RP1: variants seen among roughly 807,000 people sequenced by gnomAD.
RP1 encodes the protein RP1 axonemal microtubule associated, also known as oxygen-regulated protein 1.
In RP1, 16 loss-of-function variants were observed where a neutral mutation model predicts 14.8. The observed-to-expected ratio is 1.08, with a 90% CI of 0.73 to 1.65. RP1 has a LOEUF of 1.65. RP1 is among the 40% of genes most tolerant of loss of function. The probability of loss-of-function intolerance (pLI) is 0.00; values close to 1 mark genes in which losing one functional copy is unlikely to be tolerated. For missense variants in RP1, 2,631 were observed against 2,535.0 expected, an observed-to-expected ratio of 1.04 and a Z score of -0.81; for synonymous variants, 876 against 883.6, an observed-to-expected ratio of 0.99 and a Z score of 0.15.
In RP1 at chr8:54,630,625, A is replaced by G. The variant is rs76193096; in HGVS notation, c.*272A>G. The G allele has an allele frequency of 2.8e-4, 326 of 1,180,482 alleles. 1 individual carries two copies. The African/African-American group carries it at 5.4e-3, about 19-fold the overall frequency. 73.1% of individuals were successfully genotyped at this position (1,180,482 alleles called of 1,614,324 possible). On this transcript the variant is annotated 3_prime_UTR_variant, in exon 4 of 4. Coordinates refer to ENST00000220676, the MANE Select transcript of RP1 (RefSeq NM_006269.2). The stretch of plus-strand genomic sequence containing the variant: ...ATTTTTTTTTTTTTTGGTATCTATG[A>G]TTTTTTTTGCTCAGGGCATCAAAAT...
chr8:54,870,850 C>A (rs1298355108), exon 29 of RP1: 1 of 152,072 alleles, frequency 6.6e-6, no homozygotes, highest in Non-Finnish European at 1.5e-5. Flanking sequence ...GCCAAGTGAC[C>A]TGCCCAAGCT....
chr8:54,561,322 T>G lies in RP1; in HGVS notation c.-13+2002T>G, dbSNP rs539705058. 4.6e-5 allele frequency among the ~76,000 whole-genome samples: 7 copies of G among 152,360 alleles called. No individual in the cohort carries two copies. The South Asian group carries it at 1.4e-3, about 32-fold the overall frequency. ...TTCTTTTTGGCCAGAGTTTACACGT[T>G]TTAAATTTTAAACTCAGATTCCGAG... is the stretch of plus-strand genomic sequence containing the variant. On this transcript the variant is annotated intron_variant, in intron 1 of 22. Transcript: ENST00000636932.
chr8:54,797,274 G>A (rs1427451055), intron 24 of RP1, among the ~76,000 whole-genome samples: 31 of 152,012 alleles, frequency 2.0e-4, no homozygotes, highest in Admixed American at 2.0e-3. Context: ...AGAGGAGGAC[G>A]GCACCTCTTC....
At chr8:54,599,876 T>C (rs1805234715) in intron 1 of RP1, among the ~76,000 whole-genome samples, 1 of 152,132 alleles carries the variant, frequency 6.6e-6, no homozygotes, top group Non-Finnish European at 1.5e-5. Context: ...ATTTAAATCT[T>C]GTGTTTTAGA....
upstream of RP1, among the ~76,000 whole-genome samples, chr8:54,614,789 C>T (rs1162820491): frequency 6.6e-6 from 1 of 152,160 alleles, no homozygotes; most frequent in Non-Finnish European, 1.5e-5. Flanking sequence ...GCTGATGCTT[C>T]TGGCCCTGGC....
chr8:54,844,910 A>G (rs1419832710), intron 25 of RP1, among the ~76,000 whole-genome samples: 4 of 152,098 alleles, frequency 2.6e-5, no homozygotes, highest in Admixed American at 1.3e-4. Context: ...AGGCATTCTA[A>G]ATGAATTCTC....
At position 54,626,125 on chromosome 8, in the gene RP1, A is replaced by C. The variant is rs2129316505; in HGVS notation, c.2243A>C (p.Asn748Thr). 6.2e-7 allele frequency: 1 copy of C among 1,613,284 alleles called. No individual in the cohort carries two copies. Among genetic ancestry groups the C allele is most frequent in the East Asian group, 2.2e-5 (1 of 44,818 alleles). The change falls in exon 4 of 4, where the codon AAT becomes ACT. Residue 748 changes from asparagine to threonine, a missense_variant. Transcript: ENST00000220676. Reference protein sequence around the residue: ...IESNTFCSKSNLNSTISKNFH... With the variant: ...IESNTFCSKSTLNSTISKNFH... ...TCAAATACTTTTTGTTCCAAAAGTAATCTCAATTCCACGATTTCCAAGAAT... is the reference window on the plus strand; with the variant it reads ...TCAAATACTTTTTGTTCCAAAAGTACTCTCAATTCCACGATTTCCAAGAAT...
At chr8:54,618,333 C>A (rs1217066315) in intron 1 of RP1, among the ~76,000 whole-genome samples, 2 of 152,102 alleles carry the variant, frequency 1.3e-5, no homozygotes, top group Admixed American at 1.3e-4. Flanking sequence ...TATGTTTTCC[C>A]TCCTGGCCCC....
downstream of RP1, among the ~76,000 whole-genome samples, chr8:54,772,315 CA>C (rs1809928876): frequency 6.6e-6 from 1 of 151,912 alleles, no homozygotes; most frequent in African/African-American, 2.4e-5. Context: ...TATCCAGCCA[CA>C]TAATAAACCC....
chr8:54,817,220 T>A (rs1158191151), intron 24 of RP1, among the ~76,000 whole-genome samples: 1 of 152,132 alleles, frequency 6.6e-6, no homozygotes, highest in Non-Finnish European at 1.5e-5. Flanking sequence ...GAACAATGGC[T>A]GGTTAGATAA....
chr8:54,577,505 T>A (rs920383014), intron 1 of RP1, among the ~76,000 whole-genome samples: 1 of 152,074 alleles, frequency 6.6e-6, no homozygotes, highest in Non-Finnish European at 1.5e-5. Flanking sequence ...ACTTGTGTAC[T>A]TTTTTTGCTT....
intron 24 of RP1, among the ~76,000 whole-genome samples, chr8:54,827,184 A>G (rs1811402365): frequency 6.6e-6 from 1 of 151,330 alleles, no homozygotes; most frequent in Admixed American, 6.6e-5. Flanking sequence ...AATACTGGAC[A>G]CCAAGCCTAC....
chr8:54,683,542 G>C (rs1807483662), intron 12 of RP1, among the ~76,000 whole-genome samples: 1 of 152,050 alleles, frequency 6.6e-6, no homozygotes, highest in African/African-American at 2.4e-5. Flanking sequence ...TGTATTCCTA[G>C]GTAGTTTATT....
downstream of RP1, among the ~76,000 whole-genome samples, chr8:54,631,591 C>G (rs181301911): frequency 3.2e-4 from 49 of 151,228 alleles, no homozygotes; most frequent in Non-Finnish European, 5.6e-4. Context: ...AAAGGACTTT[C>G]ATGACTGGTT....
intron 22 of RP1, among the ~76,000 whole-genome samples, chr8:54,764,116 CTGT>C (rs1047071258): frequency 6.6e-6 from 1 of 152,222 alleles, no homozygotes; most frequent in African/African-American, 2.4e-5. Flanking sequence ...AAAAAAGAGT[CTGT>C]TGTTCCACCG....
intron 4 of RP1, among the ~76,000 whole-genome samples, chr8:54,651,502 G>A (rs866878123): frequency 1.3e-5 from 2 of 151,716 alleles, no homozygotes; most frequent in African/African-American, 2.4e-5. Context: ...TGGTCTGTGT[G>A]TTTCTATAGA....
In RP1 at chr8:54,626,370, C is replaced by T; in HGVS notation, c.2488C>T (p.Pro830Ser). Residue 830 changes from proline to serine, a missense_variant, in exon 4 of 4, where the codon CCC (proline) becomes TCC (serine). Pro to Ser is a moderately conservative substitution (Grantham distance 74). Transcript: ENST00000220676. Reference protein sequence around the residue: ...FHVFNILEQKPKDFYAPQSQA... With the variant: ...FHVFNILEQKSKDFYAPQSQA... ...TGTATTTAACATCCTTGAGCAAAAACCCAAAGATTTTTATGCACCGCAATC... is the reference window on the plus strand; with the variant it reads ...TGTATTTAACATCCTTGAGCAAAAATCCAAAGATTTTTATGCACCGCAATC... 6.2e-7 allele frequency: 1 copy of T among 1,613,246 alleles called. No individual in the cohort carries two copies. Among genetic ancestry groups the T allele is most frequent in the Non-Finnish European group, 8.5e-7 (1 of 1,179,810 alleles).
chr8:54,861,511 ATAAT>A (rs1173557661), intron 27 of RP1, among the ~76,000 whole-genome samples: 2 of 152,242 alleles, frequency 1.3e-5, no homozygotes, highest in African/African-American at 4.8e-5. Flanking sequence ...ATAGTAATAC[ATAAT>A]TAATCTGTCC....
intron 23 of RP1, chr8:54,783,511 C>T (rs1427517825): frequency 1.8e-6 from 2 of 1,121,544 alleles, no homozygotes; most frequent in Non-Finnish European, 2.3e-6. Flanking sequence ...TGTTTTTCCC[C>T]TATACTTTTA....
Sources: gnomAD v4.1 joint callset for allele counts (sites outside exome capture counted in the v4.1 genomes callset) on GRCh38, gnomAD v4.1.1 for gene constraint, MANE v1.5 for transcripts, NCBI Gene and HGNC (gene_info 2026-07-23, HGNC 2026-07-21) for gene names.